Variants in WWOX observed in about 807,000 individuals in gnomAD.
The protein encoded by WWOX is WW domain containing oxidoreductase, also known as WW domain-containing oxidoreductase.
WWOX carries 69 observed loss-of-function variants against 46.2 expected under a neutral mutation model. The ratio of observed to expected loss-of-function variants is 1.49; its 90% CI spans 1.23 to 1.82. The LOEUF (loss-of-function observed/expected upper bound fraction) is 1.82, where lower values mean the gene tolerates loss of function less well. Among genes scored for constraint, WWOX ranks in the 40% most tolerant of loss-of-function variants. The pLI is 0.00. For synonymous variants in WWOX, 359 were observed against 202.6 expected, an observed-to-expected ratio of 1.77 and a Z score of -6.56; for missense variants, 919 against 542.6, an observed-to-expected ratio of 1.69 and a Z score of -6.89.
At chr16:79,143,589 G>A (rs1351534568) in intron 8 of WWOX, among the ~76,000 whole-genome samples, 1 of 152,116 alleles carries the variant, frequency 6.6e-6, no homozygotes, top group Non-Finnish European at 1.5e-5. Flanking sequence ...AATAGTTTTA[G>A]GGATGATAAA....
chr16:79,163,194 G>A (rs1054303068), intron 8 of WWOX, among the ~76,000 whole-genome samples: 2 of 152,178 alleles, frequency 1.3e-5, no homozygotes, highest in East Asian at 1.9e-4. Context: ...ACCTAGGAGG[G>A]AGAGATTGGG....
intron 8 of WWOX, among the ~76,000 whole-genome samples, chr16:78,705,202 C>A (rs764538577): frequency 6.6e-6 from 1 of 152,128 alleles, no homozygotes. Context: ...TTCAGTCTGA[C>A]GGCCGCTAAA....
chr16:78,701,044 T>C (rs1241515812), intron 8 of WWOX, among the ~76,000 whole-genome samples: 1 of 152,120 alleles, frequency 6.6e-6, no homozygotes, highest in Non-Finnish European at 1.5e-5. Context: ...AGATGTGTGA[T>C]CTTGGGCACG....
At chr16:78,300,483 TCCTC>T (rs1235525344) in intron 5 of WWOX, among the ~76,000 whole-genome samples, 2 of 151,744 alleles carry the variant, frequency 1.3e-5, no homozygotes, top group Non-Finnish European at 2.9e-5. Flanking sequence ...GCCATGCCTG[TCCTC>T]CCTCCCTCCC....
rs71140807 is a variant in WWOX at position 78,527,727 on chromosome 16, A to AGGCTATTCTTTAGTTCAGT, written c.1056+94977_1056+94978insCTATTCTTTAGTTCAGTGG. On this transcript the variant is annotated intron_variant, in intron 8 of 8. Transcript: ENST00000566780. ...TAATCTTTATGGTAGCCTCATGAAC[A>AGGCTATTCTTTAGTTCAGT]GGTTCTTGATCAGGAGTGATATTGC... is the stretch of plus-strand genomic sequence containing the variant. 9.2e-5 allele frequency among the ~76,000 whole-genome samples: 14 copies of AGGCTATTCTTTAGTTCAGT among 151,762 alleles called. 1 individual carries two copies. The South Asian group carries it at 2.3e-3, about 25-fold the overall frequency.
intron 8 of WWOX, among the ~76,000 whole-genome samples, chr16:78,737,695 G>C (rs185492930): frequency 6.6e-6 from 1 of 152,134 alleles, no homozygotes; most frequent in Non-Finnish European, 1.5e-5. Context: ...AGGAAAAGGG[G>C]TATAAGAATC....
In WWOX at chr16:79,010,897, G is replaced by C. The variant is rs556223538; in HGVS notation, c.1057-200711G>C. On this transcript the variant is annotated intron_variant, in intron 8 of 8. Transcript: ENST00000566780. Reference sequence around the variant, plus strand: ...GGGAACAGAGAGCGAGAGGGCAGACGGGGTCATGTTGTGTGGGACCTCGGA... The same window carrying C: ...GGGAACAGAGAGCGAGAGGGCAGACCGGGTCATGTTGTGTGGGACCTCGGA... 2.6e-5 allele frequency among the ~76,000 whole-genome samples: 4 copies of C among 152,102 alleles called. No homozygotes were observed. The South Asian group carries it at 8.3e-4, about 32-fold the overall frequency.
chr16:78,309,194 A>G (rs1293568747), intron 5 of WWOX, among the ~76,000 whole-genome samples: 1 of 152,206 alleles, frequency 6.6e-6, no homozygotes, highest in Non-Finnish European at 1.5e-5. Context: ...GACCAGGTGG[A>G]TGTAATTGAA....
At chr16:78,614,630 G>T (rs927295697) in intron 8 of WWOX, among the ~76,000 whole-genome samples, 4 of 152,236 alleles carry the variant, frequency 2.6e-5, no homozygotes, top group Non-Finnish European at 5.9e-5. Flanking sequence ...GTGTATGGCA[G>T]ATGAGGGACC....
chr16:79,008,586 G>A (rs1284947147), intron 8 of WWOX, among the ~76,000 whole-genome samples: 4 of 152,262 alleles, frequency 2.6e-5, no homozygotes, highest in Middle Eastern at 3.4e-3. Flanking sequence ...CACAGATGTT[G>A]AAACTGAGAC....
chr16:78,996,194 C>G, intron 8 of WWOX: 1 of 983,884 alleles, frequency 1.0e-6, no homozygotes, highest in Non-Finnish European at 1.2e-6. Flanking sequence ...AATAAAATCT[C>G]CATTTAGAAA....
chr16:78,826,216 G>A (rs537713558), intron 8 of WWOX, among the ~76,000 whole-genome samples: 33 of 152,256 alleles, frequency 2.2e-4, no homozygotes, highest in Admixed American at 1.8e-3. Context: ...TTAGCCTGGC[G>A]TGCCCTGTAA....
rs554371301 is a variant in WWOX, at chr16:78,793,619, A to G, written c.1056+360867A>G. 5.3e-5 allele frequency among the ~76,000 whole-genome samples: 8 copies of G among 152,346 alleles called. No individual in the cohort carries two copies. In the East Asian group the frequency reaches 1.2e-3, roughly 22 times the overall value. ...ACCTTTATTGTTTAAATATTATTCAATGTGCCTACATAGCACACAGCAAAA... is the reference window on the plus strand; with the variant it reads ...ACCTTTATTGTTTAAATATTATTCAGTGTGCCTACATAGCACACAGCAAAA... On this transcript the variant is annotated intron_variant, in intron 8 of 8. Transcript: ENST00000566780.
In WWOX at chr16:78,520,454, CAT is replaced by C. The variant is rs540154144; in HGVS notation, c.1056+87705_1056+87706del. On this transcript the variant is annotated intron_variant, in intron 8 of 8. Transcript: ENST00000566780. ...GTGGAAAGCCCATCAGTTTTACACA[CAT>C]ATTTTGCAGACAAGTATTAGAAAGT... is the stretch of plus-strand genomic sequence containing the variant. 6.6e-5 allele frequency among the ~76,000 whole-genome samples: 10 copies of C among 152,320 alleles called. No individual in the cohort carries two copies. In the South Asian group the frequency reaches 1.9e-3, roughly 28 times the overall value.
At chr16:78,631,590 G>T (rs983857143) in intron 8 of WWOX, among the ~76,000 whole-genome samples, 2 of 144,694 alleles carry the variant, frequency 1.4e-5, no homozygotes, top group Admixed American at 1.5e-4. Context: ...CCAGGGTCTA[G>T]CACAGTGGCA....
At chr16:78,893,218 C>A (rs1250441979) in intron 8 of WWOX, among the ~76,000 whole-genome samples, 2 of 152,052 alleles carry the variant, frequency 1.3e-5, no homozygotes, top group African/African-American at 4.8e-5. Context: ...GGGGATGCCC[C>A]TCTTGACCAT....
At chr16:78,620,934 G>T (rs758493986) in intron 8 of WWOX, among the ~76,000 whole-genome samples, 2 of 152,134 alleles carry the variant, frequency 1.3e-5, no homozygotes, top group Non-Finnish European at 2.9e-5. Context: ...TACCCAGATT[G>T]TGTTTCTGGA....
chr16:78,935,563 A>G (rs2045718883), intron 8 of WWOX, among the ~76,000 whole-genome samples: 1 of 146,880 alleles, frequency 6.8e-6, no homozygotes, highest in Non-Finnish European at 1.5e-5. Context: ...CAATGAGAAC[A>G]CTTGGACACA....
At chr16:78,389,236 C>G (rs2082126289) in intron 6 of WWOX, among the ~76,000 whole-genome samples, 1 of 152,232 alleles carries the variant, frequency 6.6e-6, no homozygotes, top group Admixed American at 6.5e-5. Flanking sequence ...CAGGCTGCAA[C>G]ACTAGCATTC....
Sources: allele counts gnomAD v4.1 joint callset (sites outside exome capture counted in the v4.1 genomes callset), GRCh38; gene constraint gnomAD v4.1.1; transcripts MANE v1.5; gene names NCBI Gene and HGNC (gene_info 2026-07-23, HGNC 2026-07-21).